Variants in FYN observed in about 807,000 individuals in gnomAD.
FYN encodes the protein tyrosine-protein kinase Fyn.
In FYN, 10 loss-of-function variants were observed where a neutral mutation model predicts 70.2. That is an observed-to-expected ratio of 0.14 (90% CI 0.09 to 0.24). The LOEUF is 0.24. FYN is among the 10% of genes least tolerant of loss of function. FYN has a pLI of 1.00. For missense variants in FYN, 319 were observed against 673.1 expected (o/e 0.47, Z 5.82); for synonymous variants, 236 against 248.6 (o/e 0.95, Z 0.48).
At chr6:111,708,897 G>A (rs946315349) in intron 5 of FYN, 13 of 152,462 alleles carry the variant, frequency 8.5e-5, no homozygotes, top group Non-Finnish European at 1.6e-4. Flanking sequence ...TAAAGCCAGT[G>A]AGTACATTAA....
intron 2 of FYN, among the ~76,000 whole-genome samples, chr6:111,804,272 C>T (rs535977105): frequency 6.6e-6 from 1 of 152,284 alleles, no homozygotes; most frequent in African/African-American, 2.4e-5. Context: ...GATCATAAAA[C>T]CCTCAGATTT....
chr6:111,749,550 GGA>G (rs1349384931), intron 3 of FYN, among the ~76,000 whole-genome samples: 1 of 152,174 alleles, frequency 6.6e-6, no homozygotes, highest in Non-Finnish European at 1.5e-5. Context: ...CTCCCCTGAG[GGA>G]GGGAGAACAG....
At chr6:111,864,123 T>C (rs1258217946) in intron 1 of FYN, among the ~76,000 whole-genome samples, 1 of 152,224 alleles carries the variant, frequency 6.6e-6, no homozygotes, top group Non-Finnish European at 1.5e-5. Context: ...CAATATATTC[T>C]GTTTGTCACT....
At chr6:111,765,020 C>A (rs760787924) in intron 3 of FYN, among the ~76,000 whole-genome samples, 3 of 151,858 alleles carry the variant, frequency 2.0e-5, no homozygotes, top group Non-Finnish European at 4.4e-5. Context: ...TGGGATCATG[C>A]GGAGGCAGCT....
At chr6:111,698,560 T>C (rs1387133321) in intron 9 of FYN, among the ~76,000 whole-genome samples, 3 of 152,190 alleles carry the variant, frequency 2.0e-5, no homozygotes, top group Non-Finnish European at 4.4e-5. Context: ...TAAGTATTAA[T>C]ATTGTTTTAC....
intron 3 of FYN, among the ~76,000 whole-genome samples, chr6:111,779,548 C>T (rs1195636018): frequency 1.3e-5 from 2 of 152,140 alleles, no homozygotes; most frequent in African/African-American, 4.8e-5. Context: ...GGTGACCTCA[C>T]TGGTTGTGAG....
chr6:111,712,150 A>G (rs1229593139), intron 5 of FYN, among the ~76,000 whole-genome samples: 1 of 152,216 alleles, frequency 6.6e-6, no homozygotes, highest in Non-Finnish European at 1.5e-5. Flanking sequence ...TGACACTGGC[A>G]GGGACTGACT....
intron 2 of FYN, among the ~76,000 whole-genome samples, chr6:111,841,710 T>C (rs937161845): frequency 6.6e-6 from 1 of 152,202 alleles, no homozygotes; most frequent in Non-Finnish European, 1.5e-5. Context: ...GCTGAAAATA[T>C]TGTTATCTGC....
Position 111,727,639 on chromosome 6 carries a change from A to G in FYN, c.-11-7577T>C, listed in dbSNP as rs1583370587. On this transcript the variant is annotated intron_variant, in intron 3 of 13. Coordinates refer to ENST00000354650, the MANE Select transcript of FYN (RefSeq NM_002037.5). Reference sequence around the variant, plus strand: ...GAGAACAGAGCCTACTTAAAAATCAAACCCAAGCTTTGCTTCAGAAATAAG... The same window carrying G: ...GAGAACAGAGCCTACTTAAAAATCAGACCCAAGCTTTGCTTCAGAAATAAG... Among the ~76,000 whole-genome samples the G allele has an allele frequency of 3.9e-5, 6 of 152,298 alleles. No homozygotes were observed. In the South Asian group the frequency reaches 1.2e-3, roughly 32 times the overall value.
At chr6:111,847,306 C>A (rs892760675) in intron 1 of FYN, among the ~76,000 whole-genome samples, 1 of 152,248 alleles carries the variant, frequency 6.6e-6, no homozygotes, top group Non-Finnish European at 1.5e-5. Flanking sequence ...TCACATTAAT[C>A]TTTAAAGTGC....
At chr6:111,772,399 T>G (rs762933845) in intron 3 of FYN, among the ~76,000 whole-genome samples, 1 of 152,094 alleles carries the variant, frequency 6.6e-6, no homozygotes, top group Admixed American at 6.5e-5. Context: ...AGCCACTGGA[T>G]GAAAGGAAGG....
Position 111,781,174 on chromosome 6 carries a change from A to G in FYN, c.-81-539T>C, listed in dbSNP as rs1332324140. On this transcript the variant is annotated intron_variant, in intron 2 of 13. Transcript: ENST00000354650. ...CATACACGACATAGAAGGGCTTATAACAGCCTCTGGCACACAGTAAACACT... is the reference window on the plus strand; with the variant it reads ...CATACACGACATAGAAGGGCTTATAGCAGCCTCTGGCACACAGTAAACACT... 5.3e-5 allele frequency: 8 copies of G among 152,274 alleles called. No homozygotes were observed. In the East Asian group the frequency reaches 1.2e-3, roughly 22 times the overall value. The allele number at this position is 152,274 out of a possible 1,614,324, so 9.4% of individuals were successfully genotyped here. A position where few individuals can be genotyped will look rare whatever the true frequency, so the allele number is the denominator to read the frequency against.
chr6:111,686,900 CGTT>C (rs71784316), intron 12 of FYN, among the ~76,000 whole-genome samples: 9,798 of 152,224 alleles, frequency 0.064, 484 homozygotes, highest in African/African-American at 0.14. Context: ...AATCCCCAGT[CGTT>C]GTAATACAAA....
intron 2 of FYN, among the ~76,000 whole-genome samples, chr6:111,782,173 C>G (rs988978699): frequency 2.0e-5 from 3 of 152,288 alleles, no homozygotes; most frequent in Admixed American, 2.0e-4. Flanking sequence ...TTATTTTTCT[C>G]TTTTTAAAAG....
chr6:111,822,646 TAA>T (rs1332101145), intron 2 of FYN, among the ~76,000 whole-genome samples: 3 of 150,470 alleles, frequency 2.0e-5, no homozygotes, highest in Non-Finnish European at 3.0e-5. Flanking sequence ...ATATAAAATT[TAA>T]AAAATAAAGA....
intron 2 of FYN, among the ~76,000 whole-genome samples, chr6:111,816,808 G>A (rs1772503767): frequency 6.6e-6 from 1 of 152,164 alleles, no homozygotes; most frequent in Non-Finnish European, 1.5e-5. Context: ...ATTCTAAGGA[G>A]AAAATAAAGT....
rs577043154 is a variant in FYN, at chr6:111,672,551, C to T, written c.1405+1948G>A. 1.3e-5 allele frequency among the ~76,000 whole-genome samples: 2 copies of T among 152,340 alleles called. 1 individual carries two copies. The highest frequency in any genetic ancestry group is 3.9e-4 in the East Asian group (2 of 5,182). ...AGTAGGTAAAGCCAAGTAGTCCATC[C>T]TTTCAGGATGACTCCCTCTGATAAT... On this transcript the variant is annotated intron_variant, in intron 13 of 13. Transcript: ENST00000354650.
intron 2 of FYN, among the ~76,000 whole-genome samples, chr6:111,792,448 A>G (rs1182584927): frequency 6.6e-6 from 1 of 152,206 alleles, no homozygotes; most frequent in Non-Finnish European, 1.5e-5. Context: ...CTGTGATCCC[A>G]GATCCTGCCA....
At chr6:111,815,042 T>G (rs1772442365) in intron 2 of FYN, among the ~76,000 whole-genome samples, 1 of 152,252 alleles carries the variant, frequency 6.6e-6, no homozygotes, top group African/African-American at 2.4e-5. Context: ...AAGAGCTGGC[T>G]TCCCTCAAAA....
Sources: allele counts gnomAD v4.1 joint callset (sites outside exome capture counted in the v4.1 genomes callset), GRCh38; gene constraint gnomAD v4.1.1; transcripts MANE v1.5; gene names NCBI Gene and HGNC (gene_info 2026-07-23, HGNC 2026-07-21).